DOK6: variants seen among roughly 807,000 people sequenced by gnomAD.
DOK6 encodes the protein docking protein 6.
Under a neutral mutation model 44.0 loss-of-function variants are expected in DOK6, and 22 were observed. The observed-to-expected ratio is 0.50, with a 90% CI of 0.36 to 0.71. The LOEUF is 0.71. DOK6 is among the 30% of genes least tolerant of loss of function. The probability of loss-of-function intolerance (pLI) is 0.00; values close to 1 mark genes in which losing one functional copy is unlikely to be tolerated. For synonymous variants in DOK6, 166 were observed against 145.5 expected (o/e 1.14, Z -1.01); for missense variants, 340 against 416.4 (o/e 0.82, Z 1.60).
intron 4 of DOK6, among the ~76,000 whole-genome samples, chr18:69,695,907 GTA>G (rs753888371): frequency 1.3e-5 from 2 of 152,138 alleles, no homozygotes; most frequent in South Asian, 4.1e-4. Context: ...GGGTAAAAAA[GTA>G]TGTGAGGACA....
chr18:69,709,416 T>TA (rs1029370311), intron 5 of DOK6, among the ~76,000 whole-genome samples: 1 of 152,156 alleles, frequency 6.6e-6, no homozygotes, highest in African/African-American at 2.4e-5. Context: ...CAATATTTTT[T>TA]AAAAAAATAT....
In DOK6 at chr18:69,619,975, A is replaced by G. The variant is rs75430335; in HGVS notation, c.289+20477A>G. ...TGTTTCCTTTATATTTTTATATTCT[A>G]AAGGTTGTTAAATTAGTATGTTTTG... On this transcript the variant is annotated intron_variant, in intron 3 of 7. Transcript: ENST00000382713. Among the ~76,000 whole-genome samples, 51 of 152,326 alleles carry G rather than the reference A, an allele frequency of 3.3e-4. No homozygotes were observed. The East Asian group carries it at 9.2e-3, about 28-fold the overall frequency.
chr18:69,488,396 C>T (rs1304798760), intron 1 of DOK6, among the ~76,000 whole-genome samples: 2 of 152,176 alleles, frequency 1.3e-5, no homozygotes, highest in Non-Finnish European at 2.9e-5. Flanking sequence ...ACCATCAATG[C>T]TTCCTGCTCC....
intron 2 of DOK6, 130 bp from the exon 3 acceptor site, chr18:69,599,254 T>A (rs1983816801): frequency 2.9e-6 from 2 of 684,058 alleles, no homozygotes; most frequent in Admixed American, 6.6e-5. Context: ...TTGGCTAAAG[T>A]CAATTCAGAA....
At chr18:69,512,678 G>A (rs973060331) in intron 1 of DOK6, among the ~76,000 whole-genome samples, 3 of 152,120 alleles carry the variant, frequency 2.0e-5, no homozygotes, top group South Asian at 2.1e-4. Context: ...GAAACAGTTC[G>A]TTTTTAATAG....
At chr18:69,428,484 CA>C (rs1178611445) in intron 1 of DOK6, among the ~76,000 whole-genome samples, 1 of 151,798 alleles carries the variant, frequency 6.6e-6, no homozygotes, top group African/African-American at 2.4e-5. Flanking sequence ...ATTTGAGTTT[CA>C]AACAGAAATT....
At chr18:69,832,331 CAT>C (rs1389733803) in intron 7 of DOK6, among the ~76,000 whole-genome samples, 1 of 152,062 alleles carries the variant, frequency 6.6e-6, no homozygotes, top group African/African-American at 2.4e-5. Flanking sequence ...TGTAATGTAT[CAT>C]GTTTATTGAT....
intron 7 of DOK6, among the ~76,000 whole-genome samples, chr18:69,803,887 A>G (rs1367325599): frequency 1.3e-5 from 2 of 152,146 alleles, no homozygotes; most frequent in African/African-American, 2.4e-5. Flanking sequence ...TATGACCCAC[A>G]CTGTAGAAGA....
chr18:69,409,426 T>G (rs1206166212), intron 1 of DOK6, among the ~76,000 whole-genome samples: 2 of 152,250 alleles, frequency 1.3e-5, no homozygotes, highest in Admixed American at 6.5e-5. Context: ...TTTATGTGTG[T>G]ATGTATATGT....
intron 1 of DOK6, among the ~76,000 whole-genome samples, chr18:69,508,712 C>T (rs1981264138): frequency 6.6e-6 from 1 of 152,070 alleles, no homozygotes; most frequent in Non-Finnish European, 1.5e-5. Context: ...GGATCTACAG[C>T]GCCATTGCAT....
intron 7 of DOK6, among the ~76,000 whole-genome samples, chr18:69,775,744 GA>G (rs1420710450): frequency 6.6e-6 from 1 of 151,620 alleles, no homozygotes; most frequent in East Asian, 1.9e-4. Context: ...AGAGAAGGAA[GA>G]AAACCTTAGA....
intron 3 of DOK6, among the ~76,000 whole-genome samples, chr18:69,617,621 GAA>G (rs958922330): frequency 6.7e-6 from 1 of 150,232 alleles, no homozygotes; most frequent in African/African-American, 2.4e-5. Context: ...AGAAAAGAAA[GAA>G]AGAGGGAGGG....
intron 3 of DOK6, among the ~76,000 whole-genome samples, chr18:69,637,202 C>T (rs1007413591): frequency 2.0e-5 from 3 of 152,100 alleles, no homozygotes; most frequent in Non-Finnish European, 4.4e-5. Context: ...ACCCACTGAT[C>T]GTTATTATTT....
intron 1 of DOK6, among the ~76,000 whole-genome samples, chr18:69,547,376 G>A (rs967288463): frequency 2.6e-5 from 4 of 151,452 alleles, no homozygotes; most frequent in African/African-American, 4.8e-5. Flanking sequence ...TGGGATTACA[G>A]GCATTAGCCA....
intron 1 of DOK6, among the ~76,000 whole-genome samples, chr18:69,413,450 A>C (rs1241103719): frequency 3.3e-5 from 5 of 152,088 alleles, no homozygotes; most frequent in Non-Finnish European, 7.4e-5. Context: ...GTTTGATTTA[A>C]ATAGGGACCC....
intron 5 of DOK6, among the ~76,000 whole-genome samples, chr18:69,721,988 T>A (rs560862089): frequency 5.3e-5 from 8 of 152,340 alleles, no homozygotes; most frequent in African/African-American, 1.9e-4. Flanking sequence ...CTGCAAAGTG[T>A]CACTTCCAGA....
intron 4 of DOK6, among the ~76,000 whole-genome samples, chr18:69,694,077 AAAAAAAAAAAAAAT>A (rs1986338323): frequency 6.6e-6 from 1 of 150,520 alleles, no homozygotes; most frequent in Non-Finnish European, 1.5e-5. Flanking sequence ...AAAAAAAAAA[AAAAAAAAAAAAAAT>A]TGATCTATTT....
chr18:69,649,110 A>G (rs1220857489), intron 3 of DOK6, among the ~76,000 whole-genome samples: 1 of 152,240 alleles, frequency 6.6e-6, no homozygotes, highest in Non-Finnish European at 1.5e-5. Flanking sequence ...GTCTGTGGAT[A>G]TGTCCATTCC....
intron 1 of DOK6, among the ~76,000 whole-genome samples, chr18:69,417,044 A>T (rs1320544371): frequency 6.6e-6 from 1 of 152,158 alleles, no homozygotes; most frequent in East Asian, 1.9e-4. Flanking sequence ...TGGGATATTC[A>T]TCACCTCAAA....
Sources: allele counts gnomAD v4.1 joint callset (sites outside exome capture counted in the v4.1 genomes callset), GRCh38; gene constraint gnomAD v4.1.1; transcripts MANE v1.5; gene names NCBI Gene and HGNC (gene_info 2026-07-23, HGNC 2026-07-21).